Variants in ABCA9 observed in about 807,000 individuals in gnomAD.
ABCA9 encodes the protein ATP-binding cassette sub-family A member 9.
In ABCA9, 183 loss-of-function variants were observed where a neutral mutation model predicts 205.3. The ratio of observed to expected loss-of-function variants is 0.89; its 90% CI spans 0.79 to 1.01. The LOEUF is 1.01. Ranked by LOEUF, ABCA9 falls within the 50% of genes least tolerant of loss-of-function variation. The pLI is 0.00. For missense variants in ABCA9, 1,805 were observed against 1,912.4 expected, an observed-to-expected ratio of 0.94 and a Z score of 1.05; for synonymous variants, 651 against 683.3, an observed-to-expected ratio of 0.95 and a Z score of 0.74.
chr17:69,022,659 C>T (rs751462270), intron 17 of ABCA9, among the ~76,000 whole-genome samples: 23 of 152,078 alleles, frequency 1.5e-4, no homozygotes, highest in East Asian at 3.9e-4. Context: ...TGGGCCACCG[C>T]GCCCAGCCCA....
intron 1 of ABCA9, among the ~76,000 whole-genome samples, chr17:69,057,103 T>C (rs1021087993): frequency 2.0e-5 from 3 of 152,194 alleles, no homozygotes; most frequent in Admixed American, 2.0e-4. Context: ...TTACTGTTGA[T>C]AGAAAAGAGC....
At position 68,997,423 on chromosome 17, in the gene ABCA9, T is replaced by TTTTTCTATTAAATATTTAA. The variant is rs1412703138; in HGVS notation, c.3436-1410_3436-1409insTTAAATATTTAATAGAAAA. ...TTCTATTAAATATTTAAGTATTCTA[T>TTTTTCTATTAAATATTTAA]GATTCCCAAAGTTATTTGATCTTCC... is the stretch of plus-strand genomic sequence containing the variant. On this transcript the variant is annotated intron_variant, in intron 25 of 38. Transcript: ENST00000340001. Among the ~76,000 whole-genome samples the TTTTTCTATTAAATATTTAA allele has an allele frequency of 3.9e-5, 6 of 152,226 alleles. No homozygotes were observed. The East Asian group carries it at 1.2e-3, about 29-fold the overall frequency.
At chr17:69,078,907 A>T in the ABCA9 span, 1 of 862,122 alleles carries the variant, frequency 1.2e-6, no homozygotes, top group Non-Finnish European at 1.7e-6. Context: ...AATTAAACAT[A>T]CTATTAATTA....
chr17:69,066,180 T>C, the ABCA9 span, among the ~76,000 whole-genome samples: 3 of 152,156 alleles, frequency 2.0e-5, no homozygotes, highest in Admixed American at 2.0e-4. Flanking sequence ...TTACTGCTAT[T>C]GTAGTATGTA....
At chr17:69,013,030 T>C (rs1167537851) in intron 22 of ABCA9, among the ~76,000 whole-genome samples, 3 of 152,190 alleles carry the variant, frequency 2.0e-5, no homozygotes, top group Non-Finnish European at 4.4e-5. Context: ...TCCATCTACG[T>C]TGTTGCAAAT....
Position 68,983,816 on chromosome 17 carries a change from T to G in ABCA9, c.4533A>C (p.Lys1511Asn). ...TCTCCAGCAGGTAGTCTTTGCCAAATTTGCTTTTCAGGTGTTGGATGGAAC... is the reference window on the plus strand; with the variant it reads ...TCTCCAGCAGGTAGTCTTTGCCAAAGTTGCTTTTCAGGTGTTGGATGGAAC... ...CIGSIQHLKS[K>N]FGKDYLLEMK... Residue 1511 changes from lysine (K) to asparagine (N), a missense_variant, in exon 36 of 39, where the codon AAA becomes AAC. Lys to Asn is a moderately conservative substitution (Grantham distance 94, BLOSUM62 0). Coordinates refer to ENST00000340001, the MANE Select transcript of ABCA9 (RefSeq NM_080283.4). 1 of 1,614,120 alleles carries G rather than the reference T, an allele frequency of 6.2e-7. No homozygotes were observed. The highest frequency in any genetic ancestry group is 8.5e-7 in the Non-Finnish European group (1 of 1,180,012).
upstream of ABCA9, among the ~76,000 whole-genome samples, chr17:69,063,149 C>A (rs144843638): frequency 6.7e-6 from 1 of 148,896 alleles, no homozygotes; most frequent in Non-Finnish European, 1.5e-5. Flanking sequence ...GCTCAAATTA[C>A]AAATGCTATG....
rs769776721 is a variant in ABCA9 at position 69,032,095 on chromosome 17, A to G, written c.1445+13T>C. The G allele has an allele frequency of 2.4e-5, 39 of 1,601,096 alleles. No individual in the cohort carries two copies. Among genetic ancestry groups the G allele is most frequent in the Admixed American group, 3.4e-5 (2 of 58,254 alleles). ...TGTTCTCCATTGGTGCCTCCAAGTA[A>G]TTTATTGGTTACCTGATGGCTTCTT... On this transcript the variant is annotated intron_variant, in intron 10 of 38. Coordinates refer to ENST00000340001, the MANE Select transcript of ABCA9 (RefSeq NM_080283.4).
intron 22 of ABCA9, among the ~76,000 whole-genome samples, chr17:69,012,689 G>T (rs554449870): frequency 6.6e-6 from 1 of 152,236 alleles, no homozygotes; most frequent in Non-Finnish European, 1.5e-5. Flanking sequence ...ACATCATGGA[G>T]AATGGGGTAT....
intron 25 of ABCA9, among the ~76,000 whole-genome samples, chr17:68,996,934 TTTC>T (rs984242464): frequency 3.9e-5 from 6 of 152,330 alleles, no homozygotes; most frequent in East Asian, 3.9e-4. Context: ...TTATTCTTTT[TTTC>T]TTCTTCTTTT....
At chr17:69,007,130 T>G (rs1392195835) in intron 25 of ABCA9, among the ~76,000 whole-genome samples, 1 of 152,180 alleles carries the variant, frequency 6.6e-6, no homozygotes, top group East Asian at 1.9e-4. Flanking sequence ...TCAGAAATGA[T>G]GAAGGCCAGG....
In ABCA9 at chr17:68,999,640, G is replaced by C. The variant is rs371759628; in HGVS notation, c.3436-3626C>G. On this transcript the variant is annotated intron_variant, in intron 25 of 38. Transcript: ENST00000340001. ...GATTTATAGTCCTTTGGGTATATAC[G>C]CAGTAATGGGATGGCTGGGTCAAAT... is the stretch of plus-strand genomic sequence containing the variant. Among the ~76,000 whole-genome samples, 452 of 151,356 alleles carry C rather than the reference G, an allele frequency of 3.0e-3. 2 individuals carry two copies. Among genetic ancestry groups the C allele is most frequent in the African/African-American group, 3.5e-3 (145 of 41,200 alleles).
chr17:69,019,106 T>C (rs530118600), intron 19 of ABCA9, among the ~76,000 whole-genome samples: 51 of 152,246 alleles, frequency 3.3e-4, no homozygotes, highest in African/African-American at 1.2e-3. Flanking sequence ...ATTGCTTGCC[T>C]CCAAACCTTG....
chr17:69,032,642 C>G (rs566555979), intron 9 of ABCA9: 2 of 165,640 alleles, frequency 1.2e-5, no homozygotes, highest in Non-Finnish European at 2.6e-5. Flanking sequence ...CTCTGTCACC[C>G]AGGCTGCAGT....
intron 17 of ABCA9, 88 bp downstream of exon 17, chr17:69,024,126 G>T (rs1428271373): frequency 7.2e-7 from 1 of 1,396,238 alleles, no homozygotes; most frequent in Non-Finnish European, 1.0e-6. Context: ...CATCTAGCAA[G>T]CATTAAAACT....
intron 6 of ABCA9, 77 bp downstream of exon 6, chr17:69,043,412 C>G: frequency 8.0e-7 from 1 of 1,254,412 alleles, no homozygotes; most frequent in South Asian, 1.5e-5. Context: ...GCTTGGGGAC[C>G]CCTGGTCTAA....
At chr17:69,048,110 G>T (rs2071780629) in intron 3 of ABCA9, among the ~76,000 whole-genome samples, 1 of 152,176 alleles carries the variant, frequency 6.6e-6, no homozygotes, top group African/African-American at 2.4e-5. Context: ...TCACTATCAT[G>T]AGAACAGCAT....
rs761021123 is a variant in ABCA9 at position 69,012,011 on chromosome 17, G to A, written c.3112C>T (p.Pro1038Ser). Residue 1038 changes from proline to serine, a missense_variant, in exon 23 of 39, where the codon CCA (proline) becomes TCA (serine). Transcript: ENST00000340001. ...FWIPMAASFT[P>S]YIAMSSIGDY... Reference sequence around the variant, plus strand: ...CCAATGCTGCTCATTGCAATGTATGGAGTGAAAGAGGCTGCCATCGGTATC... The same window carrying A: ...CCAATGCTGCTCATTGCAATGTATGAAGTGAAAGAGGCTGCCATCGGTATC... 6.2e-7 allele frequency: 1 copy of A among 1,612,970 alleles called. No individual in the cohort carries two copies. Among genetic ancestry groups the A allele is most frequent in the South Asian group, 1.1e-5 (1 of 90,906 alleles).
chr17:69,009,453 G>T (rs1451899621), intron 23 of ABCA9, among the ~76,000 whole-genome samples: 2 of 152,156 alleles, frequency 1.3e-5, no homozygotes, highest in African/African-American at 4.8e-5. Context: ...AAGCCAGTGT[G>T]GCTGGAGCAT....
Sources: allele counts gnomAD v4.1 joint callset (sites outside exome capture counted in the v4.1 genomes callset), GRCh38; gene constraint gnomAD v4.1.1; transcripts MANE v1.5; gene names NCBI Gene and HGNC (gene_info 2026-07-23, HGNC 2026-07-21).